Variants in SPATS2L observed in about 807,000 individuals in gnomAD.
The protein encoded by SPATS2L is SPATS2-like protein.
In SPATS2L, 30 loss-of-function variants were observed where a neutral mutation model predicts 59.6. The ratio of observed to expected loss-of-function variants is 0.50; its 90% CI spans 0.38 to 0.68. The LOEUF (loss-of-function observed/expected upper bound fraction) is 0.68, where lower values mean the gene tolerates loss of function less well. Ranked by LOEUF, SPATS2L falls within the 30% of genes least tolerant of loss-of-function variation. The pLI is 0.00. For synonymous variants in SPATS2L, 252 were observed against 263.5 expected, an observed-to-expected ratio of 0.96 and a Z score of 0.42; for missense variants, 615 against 700.0, an observed-to-expected ratio of 0.88 and a Z score of 1.37.
At chr2:200,321,730 G>T (rs914350964) in intron 1 of SPATS2L, among the ~76,000 whole-genome samples, 22 of 152,170 alleles carry the variant, frequency 1.4e-4, no homozygotes, top group African/African-American at 5.3e-4. Context: ...CGCATTTTAT[G>T]GAGAGGCAGA....
chr2:200,374,551 T>C (rs972895030), intron 2 of SPATS2L, among the ~76,000 whole-genome samples: 2 of 152,006 alleles, frequency 1.3e-5, no homozygotes, highest in African/African-American at 2.4e-5. Context: ...AGAATAGGCA[T>C]TGGGTCTCAG....
At chr2:200,328,562 C>T (rs1165902384) in intron 1 of SPATS2L, among the ~76,000 whole-genome samples, 1 of 152,164 alleles carries the variant, frequency 6.6e-6, no homozygotes, top group East Asian at 1.9e-4. Flanking sequence ...AACAGCATCT[C>T]GTGTCCTGAG....
chr2:200,426,219 T>C (rs2083572315), intron 6 of SPATS2L, among the ~76,000 whole-genome samples: 1 of 150,412 alleles, frequency 6.6e-6, no homozygotes, highest in South Asian at 2.1e-4. Context: ...GCCTCCCAAG[T>C]AGCTGGGACT....
chr2:200,327,462 A>G (rs529022122), intron 1 of SPATS2L, among the ~76,000 whole-genome samples: 66 of 152,136 alleles, frequency 4.3e-4, no homozygotes, highest in African/African-American at 1.5e-3. Context: ...GCTGACTTCT[A>G]TTGTAGTGGC....
At chr2:200,412,533 A>C in intron 4 of SPATS2L, 114 bp downstream of exon 4, 1 of 525,052 alleles carries the variant, frequency 1.9e-6, no homozygotes, top group Non-Finnish European at 3.2e-6. Flanking sequence ...TTTAGGTCTC[A>C]TAGAAATGTG....
At position 200,439,391 on chromosome 2, in the gene SPATS2L, G is replaced by T. The variant is rs887726111; in HGVS notation, c.652+63G>T. 3 of 1,391,520 alleles carry T rather than the reference G, an allele frequency of 2.2e-6. No homozygotes were observed. In the African/African-American group the frequency reaches 4.3e-5, roughly 20 times the overall value. The allele number at this position is 1,391,520 out of a possible 1,614,324, so 86.2% of individuals were successfully genotyped here. A position where few individuals can be genotyped will look rare whatever the true frequency, so the allele number is the denominator to read the frequency against. ...TTTGCACATACAGAAAAGTGCCAGAGTGACAGAACTTTCCAAAAGATGCTG... is the reference window on the plus strand; with the variant it reads ...TTTGCACATACAGAAAAGTGCCAGATTGACAGAACTTTCCAAAAGATGCTG... On this transcript the variant is annotated intron_variant, in intron 7 of 12. Coordinates refer to ENST00000409140, the MANE Select transcript of SPATS2L (RefSeq NM_001100423.2).
intron 3 of SPATS2L, among the ~76,000 whole-genome samples, chr2:200,394,034 A>G (rs1365835198): frequency 1.3e-5 from 2 of 152,234 alleles, no homozygotes; most frequent in Non-Finnish European, 2.9e-5. Flanking sequence ...CAGGTAGCTA[A>G]TGATTTCAGG....
intron 6 of SPATS2L, among the ~76,000 whole-genome samples, chr2:200,429,785 A>G (rs1318598409): frequency 6.6e-6 from 1 of 152,192 alleles, no homozygotes; most frequent in East Asian, 1.9e-4. Flanking sequence ...AGAATTGCTT[A>G]CAGGGTCCAG....
chr2:200,326,901 ATTTTTTTTTTTT>A (rs755351538), intron 1 of SPATS2L, among the ~76,000 whole-genome samples: 1 of 99,074 alleles, frequency 1.0e-5, no homozygotes, highest in Non-Finnish European at 1.9e-5. Context: ...TGCCCGGCTA[ATTTTTTTTTTTT>A]TTTTTTTTTT....
At chr2:200,428,549 G>A (rs1306296712) in intron 6 of SPATS2L, among the ~76,000 whole-genome samples, 5 of 152,096 alleles carry the variant, frequency 3.3e-5, no homozygotes, top group African/African-American at 1.2e-4. Flanking sequence ...GATTATTTCA[G>A]CCATACTCTA....
intron 1 of SPATS2L, among the ~76,000 whole-genome samples, chr2:200,326,867 T>C (rs1008652447): frequency 1.3e-4 from 19 of 150,508 alleles, no homozygotes; most frequent in Non-Finnish European, 4.4e-5. Flanking sequence ...CCCAAGTAGC[T>C]GGGATTACAG....
Position 200,419,262 on chromosome 2 carries a change from A to C in SPATS2L, c.211A>C (p.Lys71Gln), listed in dbSNP as rs778513979. 2 of 1,573,192 alleles carry C rather than the reference A, an allele frequency of 1.3e-6. No individual in the cohort carries two copies. The highest frequency in any genetic ancestry group is 1.2e-5 in the South Asian group (1 of 85,674). ...TTTCTCATTCTAGAACAATAAAAGA[A>C]AAAGAAGCAAGTCCAAGCAGCATCA... is the stretch of plus-strand genomic sequence containing the variant. ...MTGKKKNNKR[K>Q]RSKSKQHQGN... The change falls in exon 6 of 13, where the codon AAA becomes CAA. Residue 71 changes from lysine to glutamine, a missense_variant. By Grantham distance (53) the Lys-to-Gln change is moderately conservative. Coordinates refer to ENST00000409140, the MANE Select transcript of SPATS2L (RefSeq NM_001100423.2).
At chr2:200,307,543 G>T (rs2079064749) in intron 1 of SPATS2L, among the ~76,000 whole-genome samples, 1 of 152,170 alleles carries the variant, frequency 6.6e-6, no homozygotes, top group Non-Finnish European at 1.5e-5. Flanking sequence ...CCCTGGCCGC[G>T]GGACGAAGCG....
chr2:200,346,904 A>T (rs1383368677), intron 2 of SPATS2L, among the ~76,000 whole-genome samples: 1 of 152,052 alleles, frequency 6.6e-6, no homozygotes, highest in Non-Finnish European at 1.5e-5. Context: ...ATCTAAGTTG[A>T]ATATGCAAAA....
intron 4 of SPATS2L, among the ~76,000 whole-genome samples, chr2:200,415,574 G>A (rs2083026180): frequency 6.6e-6 from 1 of 152,130 alleles, no homozygotes; most frequent in Non-Finnish European, 1.5e-5. Flanking sequence ...TCAGCACAGT[G>A]GGAATGAATG....
chr2:200,473,579 T>G (rs991903582), intron 12 of SPATS2L, among the ~76,000 whole-genome samples: 1 of 152,230 alleles, frequency 6.6e-6, no homozygotes, highest in Non-Finnish European at 1.5e-5. Flanking sequence ...AAAATGGCAT[T>G]CTTCATTCTT....
At chr2:200,391,301 G>A (rs551359754) in intron 3 of SPATS2L, among the ~76,000 whole-genome samples, 76 of 152,270 alleles carry the variant, frequency 5.0e-4, no homozygotes, top group African/African-American at 1.7e-3. Flanking sequence ...CAAACTTACT[G>A]TAGTTGAAGA....
intron 2 of SPATS2L, among the ~76,000 whole-genome samples, chr2:200,349,371 C>T (rs1018876664): frequency 4.6e-5 from 7 of 152,192 alleles, no homozygotes; most frequent in African/African-American, 1.7e-4. Context: ...CATGGTGGCT[C>T]ACACCTGCAA....
chr2:200,458,843 G>A (rs942809680), intron 8 of SPATS2L, among the ~76,000 whole-genome samples: 4 of 151,996 alleles, frequency 2.6e-5, no homozygotes, highest in African/African-American at 7.3e-5. Flanking sequence ...AAATTATTGT[G>A]GTCCCCAGAA....
Sources: allele counts gnomAD v4.1 joint callset (sites outside exome capture counted in the v4.1 genomes callset), GRCh38; gene constraint gnomAD v4.1.1; transcripts MANE v1.5; gene names NCBI Gene and HGNC (gene_info 2026-07-23, HGNC 2026-07-21).